Variants in PTPN2 observed in about 807,000 individuals in gnomAD.
PTPN2 encodes the protein protein tyrosine phosphatase non-receptor type 2.
PTPN2 carries 19 observed loss-of-function variants against 57.3 expected under a neutral mutation model. The ratio of observed to expected loss-of-function variants is 0.33; its 90% CI spans 0.23 to 0.49. The LOEUF (loss-of-function observed/expected upper bound fraction) is 0.49, where lower values mean the gene tolerates loss of function less well. Ranked by LOEUF, PTPN2 falls within the 20% of genes least tolerant of loss-of-function variation. PTPN2 has a pLI of 0.99. For missense variants in PTPN2, 358 were observed against 501.1 expected, an observed-to-expected ratio of 0.71 and a Z score of 2.73; for synonymous variants, 153 against 164.9, an observed-to-expected ratio of 0.93 and a Z score of 0.55.
At chr18:12,835,205 A>T (rs139274466) in intron 3 of PTPN2, among the ~76,000 whole-genome samples, 11 of 152,018 alleles carry the variant, frequency 7.2e-5, no homozygotes, top group African/African-American at 1.9e-4. Context: ...AAATGCACAT[A>T]AAAAAAACTT....
rs2044208501 is a variant in PTPN2 at position 12,870,443 on chromosome 18, A to ATC, written c.70-11190_70-11189insGA. On this transcript the variant is annotated intron_variant, in intron 1 of 8. Transcript: ENST00000309660. ...TATATATACGTATATATATATGTGT[A>ATC]TATATATATATATATATATAGAGAG... 1.2e-4 allele frequency among the ~76,000 whole-genome samples: 3 copies of ATC among 24,412 alleles called. 1 individual carries two copies. In the Admixed American group the frequency reaches 2.0e-3, roughly 16 times the overall value. The allele number at this position is 24,412 out of a possible 152,430, so 16.0% of individuals were successfully genotyped here.
chr18:12,879,736 G>A (rs1305499954), intron 1 of PTPN2, among the ~76,000 whole-genome samples: 2 of 152,130 alleles, frequency 1.3e-5, no homozygotes, highest in Non-Finnish European at 2.9e-5. Flanking sequence ...CATTTTTCCC[G>A]CTAGAATTTC....
chr18:12,877,947 G>A (rs886251311), intron 1 of PTPN2, among the ~76,000 whole-genome samples: 17 of 152,102 alleles, frequency 1.1e-4, no homozygotes, highest in South Asian at 6.2e-4. Flanking sequence ...GGAGAATGGC[G>A]TGAACCTGGG....
At chr18:12,865,759 G>A (rs1297600007) in intron 1 of PTPN2, among the ~76,000 whole-genome samples, 4 of 151,740 alleles carry the variant, frequency 2.6e-5, no homozygotes, top group East Asian at 1.9e-4. Context: ...CCCAGGAGGC[G>A]GAGGTTGCAG....
At chr18:12,883,465 C>G (rs2044735520) in intron 1 of PTPN2, among the ~76,000 whole-genome samples, 1 of 152,134 alleles carries the variant, frequency 6.6e-6, no homozygotes, top group South Asian at 2.1e-4. Flanking sequence ...GCCAGGAGAG[C>G]GAGCTTCGCC....
At chr18:12,825,719 C>A in intron 5 of PTPN2, 91 bp downstream of exon 5, 1 of 1,267,272 alleles carries the variant, frequency 7.9e-7, no homozygotes, top group East Asian at 2.4e-5. Flanking sequence ...TATCCAAATG[C>A]ATGTGCTTAT....
At chr18:12,841,482 A>T (rs1276273599) in intron 2 of PTPN2, among the ~76,000 whole-genome samples, 1 of 152,272 alleles carries the variant, frequency 6.6e-6, no homozygotes, top group Non-Finnish European at 1.5e-5. Flanking sequence ...AGCGTAATCA[A>T]AAGGTGATGA....
At chr18:12,809,517 C>T (rs1411316775) in intron 7 of PTPN2, among the ~76,000 whole-genome samples, 1 of 152,192 alleles carries the variant, frequency 6.6e-6, no homozygotes, top group African/African-American at 2.4e-5. Context: ...GTGGTAGAGG[C>T]AGAAGCAGTG....
intron 3 of PTPN2, 105 bp from the exon 4 acceptor site, chr18:12,831,146 G>A: frequency 2.9e-6 from 2 of 678,238 alleles, no homozygotes; most frequent in Non-Finnish European, 5.2e-6. Context: ...AAGACAGACA[G>A]CGGACGGGCT....
intron 7 of PTPN2, among the ~76,000 whole-genome samples, chr18:12,807,804 G>C (rs1295962530): frequency 6.6e-6 from 1 of 151,558 alleles, no homozygotes. Flanking sequence ...GTAGGGAAGA[G>C]GGGGCATAGT....
At chr18:12,883,717 G>C (rs1047687059) in intron 1 of PTPN2, 2 of 195,548 alleles carry the variant, frequency 1.0e-5, no homozygotes, top group South Asian at 1.5e-4. Context: ...GGGGGCGCGC[G>C]CCCGAGCGCC....
intron 4 of PTPN2, among the ~76,000 whole-genome samples, chr18:12,827,410 A>G (rs910479461): frequency 1.2e-4 from 18 of 147,492 alleles, no homozygotes; most frequent in Non-Finnish European, 2.3e-4. Flanking sequence ...TTTTTTTTTT[A>G]AGAGACAGTG....
chr18:12,794,614 G>A (rs2041097711), intron 8 of PTPN2, 129 bp from the exon 9 acceptor site: 10 of 1,140,130 alleles, frequency 8.8e-6, no homozygotes, highest in Non-Finnish European at 1.1e-5. Context: ...CTGGAATAAT[G>A]AGGGGAAAAG....
At chr18:12,800,858 T>C (rs991128334) in intron 8 of PTPN2, among the ~76,000 whole-genome samples, 6 of 152,242 alleles carry the variant, frequency 3.9e-5, no homozygotes, top group Admixed American at 1.3e-4. Context: ...AGCTTCCTAA[T>C]CTGTGAGAGA....
chr18:12,860,242 T>A (rs1487822423), intron 1 of PTPN2, among the ~76,000 whole-genome samples: 3 of 150,780 alleles, frequency 2.0e-5, no homozygotes, highest in Admixed American at 1.3e-4. Flanking sequence ...TGAGCCAAGA[T>A]CGTGCCATTG....
chr18:12,819,238 C>G, intron 5 of PTPN2: 1 of 1,453,268 alleles, frequency 6.9e-7, no homozygotes. Context: ...TAACATCCAG[C>G]ATTAATAATT....
At chr18:12,871,484 T>C (rs891292747) in intron 1 of PTPN2, among the ~76,000 whole-genome samples, 3 of 152,194 alleles carry the variant, frequency 2.0e-5, no homozygotes, top group African/African-American at 7.2e-5. Context: ...TGATATGTAG[T>C]TCTTTACATA....
chr18:12,881,683 T>C (rs1478128491), intron 1 of PTPN2, among the ~76,000 whole-genome samples: 1 of 152,182 alleles, frequency 6.6e-6, no homozygotes, highest in Non-Finnish European at 1.5e-5. Context: ...CCCTGGCCAA[T>C]GTCTTTCAAG....
chr18:12,874,672 G>A (rs1224494828), intron 1 of PTPN2, among the ~76,000 whole-genome samples: 2 of 149,538 alleles, frequency 1.3e-5, no homozygotes, highest in Non-Finnish European at 3.0e-5. Flanking sequence ...CGCCCCGTCC[G>A]GGAGGGAGGT....
Sources: gnomAD v4.1 joint callset for allele counts (sites outside exome capture counted in the v4.1 genomes callset) on GRCh38, gnomAD v4.1.1 for gene constraint, MANE v1.5 for transcripts, NCBI Gene and HGNC (gene_info 2026-07-23, HGNC 2026-07-21) for gene names.